The following TTBK2 variants were observed in gnomAD, a reference collection of about 807,000 sequenced individuals.
The protein encoded by TTBK2 is tau-tubulin kinase 2.
Under a neutral mutation model 110.8 loss-of-function variants are expected in TTBK2, and 28 were observed. The ratio of observed to expected loss-of-function variants is 0.25; its 90% confidence interval spans 0.19 to 0.35. TTBK2 has a LOEUF of 0.35. Ranked by LOEUF, TTBK2 falls within the 10% of genes least tolerant of loss-of-function variation. The pLI is 1.00. For synonymous variants in TTBK2, 532 were observed against 527.3 expected (o/e 1.01, Z -0.12); for missense variants, 1,369 against 1,500.3 (o/e 0.91, Z 1.45).
At position 42,775,509 on chromosome 15, in the gene TTBK2, A is replaced by G. The variant is rs1479392193; in HGVS notation, c.1624T>C (p.Ser542Pro). The G allele has an allele frequency of 4.3e-6, 7 of 1,614,176 alleles. No homozygotes were observed. The highest frequency in any genetic ancestry group is 5.1e-6 in the Non-Finnish European group (6 of 1,180,028). Residue 542 changes from serine to proline, a missense_variant, in exon 13 of 15, where the codon TCT becomes CCT. Around this residue, in one of 4 missense-constraint regions of TTBK2, gnomAD observed 1,097 missense variants for 1,114.7 expected, o/e 0.98. Coordinates refer to ENST00000267890, the MANE Select transcript of TTBK2 (RefSeq NM_173500.4). Reference sequence around the variant, plus strand: ...TTGGAATCAATTTCTTGCTTGCAAGAGCTCAGGTTAACAGCTATAAATCCA... The same window carrying G: ...TTGGAATCAATTTCTTGCTTGCAAGGGCTCAGGTTAACAGCTATAAATCCA... ...SNGFIAVNLS[S>P]CKQEIDSKEW... is the part of the protein sequence containing the mutation.
chr15:42,887,383 T>C (rs1186451336), intron 1 of TTBK2, among the ~76,000 whole-genome samples: 1 of 152,096 alleles, frequency 6.6e-6, no homozygotes, highest in Non-Finnish European at 1.5e-5. Context: ...AGGATACCTC[T>C]ACTCCCTCCT....
At chr15:42,746,488 G>A (rs2061796506) in intron 14 of TTBK2, among the ~76,000 whole-genome samples, 1 of 152,118 alleles carries the variant, frequency 6.6e-6, no homozygotes, top group Admixed American at 6.5e-5. Context: ...ACAGACCAAG[G>A]GCAGTGACCC....
chr15:42,882,929 GAAT>G (rs1895102037), intron 1 of TTBK2, among the ~76,000 whole-genome samples: 1 of 152,118 alleles, frequency 6.6e-6, no homozygotes, highest in African/African-American at 2.4e-5. Context: ...GAAAAATCTG[GAAT>G]AACAGCAATG....
intron 2 of TTBK2, among the ~76,000 whole-genome samples, chr15:42,875,996 G>C (rs1179895470): frequency 6.6e-6 from 1 of 151,916 alleles, no homozygotes; most frequent in Non-Finnish European, 1.5e-5. Context: ...CCAGGTTGGG[G>C]GTTGGGGGTT....
intron 12 of TTBK2, among the ~76,000 whole-genome samples, chr15:42,776,165 C>T (rs192302487): frequency 2.7e-4 from 41 of 152,240 alleles, no homozygotes; most frequent in Admixed American, 1.2e-3. Flanking sequence ...TTAAAATGGA[C>T]GCCAGATTGG....
intron 4 of TTBK2, among the ~76,000 whole-genome samples, chr15:42,839,070 G>A (rs1893115481): frequency 6.6e-6 from 1 of 152,098 alleles, no homozygotes; most frequent in African/African-American, 2.4e-5. Flanking sequence ...TATCCAACAG[G>A]TAGTTTTTCG....
intron 1 of TTBK2, among the ~76,000 whole-genome samples, chr15:42,906,546 T>C (rs1003897190): frequency 6.6e-6 from 1 of 152,286 alleles, no homozygotes; most frequent in Middle Eastern, 3.4e-3. Flanking sequence ...TAAAGACTTC[T>C]TGAATCTAAG....
chr15:42,895,382 A>G lies in TTBK2; in HGVS notation c.-67-16698T>C, dbSNP rs564572001. ...GGAAGTGGGTCAGGATCAACAAACTACCTATTGGATACTATGTGTATTACC... is the reference window on the plus strand; with the variant it reads ...GGAAGTGGGTCAGGATCAACAAACTGCCTATTGGATACTATGTGTATTACC... On this transcript the variant is annotated intron_variant, in intron 1 of 14. Transcript: ENST00000267890. 3.3e-5 allele frequency among the ~76,000 whole-genome samples: 5 copies of G among 152,184 alleles called. No homozygotes were observed. In the South Asian group the frequency reaches 1.0e-3, roughly 32 times the overall value.
intron 11 of TTBK2, among the ~76,000 whole-genome samples, chr15:42,777,630 T>C (rs1407079575): frequency 6.6e-6 from 1 of 152,202 alleles, no homozygotes; most frequent in Non-Finnish European, 1.5e-5. Flanking sequence ...TAGGAGAGGC[T>C]GCCAAGCCTG....
rs1371549293 is a variant in TTBK2, at chr15:42,746,274, A to C, written c.3273-17T>G. On this transcript the variant is annotated splice_polypyrimidine_tract_variant and intron_variant, in intron 14 of 14. Coordinates refer to ENST00000267890, the MANE Select transcript of TTBK2 (RefSeq NM_173500.4). ...CTGCGTAGCCTTAAAAGAACAGAGA[A>C]AATATATTTTAATTTTAATTCATTT... 1 of 1,573,876 alleles carries C rather than the reference A, an allele frequency of 6.4e-7. No individual in the cohort carries two copies. The highest frequency in any genetic ancestry group is 8.7e-7 in the Non-Finnish European group (1 of 1,150,026).
At chr15:42,912,994 G>A (rs377325976) in intron 1 of TTBK2, among the ~76,000 whole-genome samples, 2 of 150,194 alleles carry the variant, frequency 1.3e-5, no homozygotes, top group Admixed American at 6.6e-5. Flanking sequence ...GCGCGGTGGC[G>A]GGCGCCTGTA....
At chr15:42,840,912 G>C (rs1297438456) in intron 3 of TTBK2, among the ~76,000 whole-genome samples, 10 of 152,172 alleles carry the variant, frequency 6.6e-5, no homozygotes, top group Admixed American at 6.5e-4. Context: ...TTCAACCTGA[G>C]TTCCATCTGA....
intron 1 of TTBK2, among the ~76,000 whole-genome samples, chr15:42,915,226 CA>C (rs2031017518): frequency 2.6e-5 from 4 of 152,350 alleles, no homozygotes; most frequent in Admixed American, 2.6e-4. Flanking sequence ...TCAAGCTGTT[CA>C]GCTCTGTTGC....
rs1398336016 is a variant in TTBK2, at chr15:42,828,033, C to A, written c.433-1G>T. The A allele has an allele frequency of 6.2e-7, 1 of 1,611,368 alleles. No homozygotes were observed. Among genetic ancestry groups the A allele is most frequent in the Non-Finnish European group, 8.5e-7 (1 of 1,178,290 alleles). ...GAAAGCGACCCATAGCGAAGTTCGA[C>A]TAGAAAAATAAAGAAGGAAAATATA... On this transcript the variant is annotated splice_acceptor_variant, in intron 5 of 14. Coordinates refer to ENST00000267890, the MANE Select transcript of TTBK2 (RefSeq NM_173500.4). LOFTEE classifies it high-confidence loss of function.
intron 3 of TTBK2, among the ~76,000 whole-genome samples, chr15:42,862,099 C>G (rs1193141349): frequency 6.6e-6 from 1 of 151,936 alleles, no homozygotes; most frequent in Non-Finnish European, 1.5e-5. Context: ...AATAAAAAAC[C>G]TACCAACCAA....
chr15:42,771,552 G>T (rs1490631550), intron 13 of TTBK2, among the ~76,000 whole-genome samples: 2 of 152,108 alleles, frequency 1.3e-5, no homozygotes, highest in African/African-American at 4.8e-5. Flanking sequence ...CAGGTATGAA[G>T]AAATAAACAT....
At chr15:42,763,172 A>ATATATG (rs1294980725) in intron 13 of TTBK2, among the ~76,000 whole-genome samples, 2 of 14,326 alleles carry the variant, frequency 1.4e-4, no homozygotes, top group Non-Finnish European at 2.4e-4. Flanking sequence ...ATATATATAT[A>ATATATG]TATATATATA....
Position 42,840,446 on chromosome 15 carries a change from A to C in TTBK2, c.218-13T>G, listed in dbSNP as rs779170429. The C allele has an allele frequency of 6.2e-7, 1 of 1,610,428 alleles. No homozygotes were observed. On this transcript the variant is annotated splice_polypyrimidine_tract_variant and intron_variant, in intron 3 of 14. Coordinates refer to ENST00000267890, the MANE Select transcript of TTBK2 (RefSeq NM_173500.4). ...ACATGGTCTTTCCCTGGATAAAAAA[A>C]GAAAACAGTGGAAAAGAATATACTA... is the stretch of plus-strand genomic sequence containing the variant.
At chr15:42,819,463 G>A (rs547881461) in intron 6 of TTBK2, among the ~76,000 whole-genome samples, 30 of 151,856 alleles carry the variant, frequency 2.0e-4, no homozygotes, top group Non-Finnish European at 2.9e-4. Context: ...GTTTAATCAA[G>A]TTAGCTATTT....
Sources: gnomAD v4.1 joint callset for allele counts (sites outside exome capture counted in the v4.1 genomes callset) on GRCh38, gnomAD v4.1.1 for gene constraint, gnomAD v4.1.1 regional missense constraint, MANE v1.5 for transcripts, NCBI Gene and HGNC (gene_info 2026-07-23, HGNC 2026-07-21) for gene names.